PACSIN1: variants seen among roughly 807,000 people sequenced by gnomAD.
PACSIN1 encodes the protein protein kinase C and casein kinase substrate in neurons protein 1.
A neutral mutation model predicts 59.5 loss-of-function variants in PACSIN1; 15 were observed. That is an observed-to-expected ratio of 0.25 (90% confidence interval 0.17 to 0.39). The LOEUF is 0.39. PACSIN1 is among the 10% of genes least tolerant of loss of function. The probability of loss-of-function intolerance (pLI) is 1.00; values close to 1 mark genes in which losing one functional copy is unlikely to be tolerated. For missense variants in PACSIN1, 420 were observed against 580.2 expected, an observed-to-expected ratio of 0.72 and a Z score of 2.84; for synonymous variants, 210 against 220.6, an observed-to-expected ratio of 0.95 and a Z score of 0.42.
At chr6:34,526,109 G>A (rs1581985357) in intron 1 of PACSIN1, 134 bp from the exon 2 acceptor site, 2 of 579,834 alleles carry the variant, frequency 3.4e-6, no homozygotes, top group African/African-American at 1.9e-5. Context: ...TGGTGAGTTA[G>A]TCTCTGGACA....
Position 34,529,006 on chromosome 6 carries a change from C to A in PACSIN1, c.456+129C>A, listed in dbSNP as rs926757377. 3 of 716,028 alleles carry A rather than the reference C, an allele frequency of 4.2e-6. No homozygotes were observed. Among genetic ancestry groups the A allele is most frequent in the Non-Finnish European group, 7.0e-6 (3 of 430,460 alleles). The allele number at this position is 716,028 out of a possible 1,614,324, so 44.4% of individuals were successfully genotyped here. On this transcript the variant is annotated intron_variant, in intron 4 of 9. Transcript: ENST00000244458. The surrounding 1 kb of genome is among the most constrained non-coding windows in gnomAD (Gnocchi z 6.3). ...CTCTGGGATTGTGCCCACAGGGGAG[C>A]AGCACTGCCTTCCAGGAAAAAATAT... is the stretch of plus-strand genomic sequence containing the variant.
intron 1 of PACSIN1, among the ~76,000 whole-genome samples, chr6:34,513,195 G>C (rs1363851967): frequency 6.6e-6 from 1 of 152,146 alleles, no homozygotes; most frequent in Non-Finnish European, 1.5e-5. Flanking sequence ...CTTATCTCTT[G>C]GCATCTCTAA....
At position 34,529,974 on chromosome 6, in the gene PACSIN1, G is replaced by A; in HGVS notation, c.788+133G>A. 1 of 1,082,946 alleles carries A rather than the reference G, an allele frequency of 9.2e-7. No individual in the cohort carries two copies. Among genetic ancestry groups the A allele is most frequent in the Non-Finnish European group, 1.3e-6 (1 of 756,246 alleles). The allele number at this position is 1,082,946 out of a possible 1,614,324, so 67.1% of individuals were successfully genotyped here. On this transcript the variant is annotated intron_variant, in intron 6 of 9. Coordinates refer to ENST00000244458, the MANE Select transcript of PACSIN1 (RefSeq NM_020804.5). The surrounding 1 kb of genome is among the most constrained non-coding windows in gnomAD (Gnocchi z 6.3). ...AGCTGCAGGGGTCAAGAAGGATGAG[G>A]CTTCAAACACAGGGGCTGTTGAGTG...
rs1311659873 is a variant in PACSIN1, at chr6:34,529,237, C to T, written c.457-160C>T. Among the ~76,000 whole-genome samples, 1 of 152,006 alleles carries T rather than the reference C, an allele frequency of 6.6e-6. No individual in the cohort carries two copies. The highest frequency in any genetic ancestry group is 1.9e-4 in the East Asian group (1 of 5,138). On this transcript the variant is annotated intron_variant, in intron 4 of 9. Coordinates refer to ENST00000244458, the MANE Select transcript of PACSIN1 (RefSeq NM_020804.5). The surrounding 1 kb of genome is among the most constrained non-coding windows in gnomAD (Gnocchi z 6.3). ...AGACGCAGCCACAAATGGAGGAGCG[C>T]TGCTCCCGAACACCTGGAGCCAGGG...
At position 34,508,739 on chromosome 6, in the gene PACSIN1, C is replaced by A. The variant is rs188802992; in HGVS notation, c.-63-17504C>A. Among the ~76,000 whole-genome samples, 743 of 152,272 alleles carry A rather than the reference C, an allele frequency of 4.9e-3. 3 individuals carry two copies. The highest frequency in any genetic ancestry group is 0.024 in the South Asian group (116 of 4,818). ...TCCTGACAGGTATGAGGTGATATCT[C>A]ATTGTGGTTTTGATTTGCCTTTCCA... is the stretch of plus-strand genomic sequence containing the variant. On this transcript the variant is annotated intron_variant, in intron 1 of 9. Transcript: ENST00000244458.
In PACSIN1 at chr6:34,530,280, C is replaced by T. The variant is rs1381527663; in HGVS notation, c.826C>T (p.Arg276Trp). ...HVYRELEQAI[R>W]GADAQEDLRW... ...GTACCGTGAGCTGGAGCAGGCCATC[C>T]GGGGGGCTGATGCCCAGGAAGACCT... is the stretch of plus-strand genomic sequence containing the variant. Residue 276 changes from arginine to tryptophan, a missense_variant, in exon 7 of 10, where the codon CGG (arginine) becomes TGG (tryptophan). By Grantham distance (101) the Arg-to-Trp change is moderately radical. Transcript: ENST00000244458. The surrounding 1 kb of genome is among the most constrained non-coding windows in gnomAD (Gnocchi z 4.4). 8.1e-6 allele frequency: 13 copies of T among 1,614,002 alleles called. No individual in the cohort carries two copies. The highest frequency in any genetic ancestry group is 1.1e-5 in the South Asian group (1 of 91,058).
In PACSIN1 at chr6:34,525,513, C is replaced by T. The variant is rs980036646; in HGVS notation, c.-63-730C>T. On this transcript the variant is annotated intron_variant, in intron 1 of 9. Coordinates refer to ENST00000244458, the MANE Select transcript of PACSIN1 (RefSeq NM_020804.5). This position sits in a 1 kb window ranked among gnomAD's most constrained non-coding sequence, Gnocchi z 4.9. ...GGAGGTGTCCCCTGGTGCCGGGATC[C>T]AGCTAGAGGCTGGCAGCTTGTATCA... is the stretch of plus-strand genomic sequence containing the variant. Among the ~76,000 whole-genome samples the T allele has an allele frequency of 1.1e-4, 17 of 152,236 alleles. No individual in the cohort carries two copies. Among genetic ancestry groups the T allele is most frequent in the Non-Finnish European group, 1.6e-4 (11 of 68,034 alleles).
chr6:34,494,825 C>A (rs780986498), intron 1 of PACSIN1, among the ~76,000 whole-genome samples: 1 of 152,206 alleles, frequency 6.6e-6, no homozygotes, highest in Non-Finnish European at 1.5e-5. Flanking sequence ...TAGATCACTT[C>A]CCCAGCTATC....
chr6:34,507,337 C>T (rs181462848), intron 1 of PACSIN1, among the ~76,000 whole-genome samples: 97 of 152,196 alleles, frequency 6.4e-4, no homozygotes, highest in Admixed American at 5.3e-3. Context: ...TCTGTCTTCT[C>T]TCTGCCTTTA....
At chr6:34,491,463 A>G (rs1369943170) in intron 1 of PACSIN1, among the ~76,000 whole-genome samples, 1 of 151,986 alleles carries the variant, frequency 6.6e-6, no homozygotes, top group Non-Finnish European at 1.5e-5. Flanking sequence ...GCTGCTTCCT[A>G]GAATCAGTCC....
chr6:34,532,392 T>C lies in PACSIN1; in HGVS notation c.1226-29T>C. 1 of 1,459,568 alleles carries C rather than the reference T, an allele frequency of 6.9e-7. No homozygotes were observed. The highest frequency in any genetic ancestry group is 9.4e-7 in the Non-Finnish European group (1 of 1,062,686). The allele number at this position is 1,459,568 out of a possible 1,614,324, so 90.4% of individuals were successfully genotyped here. On this transcript the variant is annotated intron_variant, in intron 9 of 9. Transcript: ENST00000244458. This position sits in a 1 kb window ranked among gnomAD's most constrained non-coding sequence, Gnocchi z 5.2. ...GTTGAGGGAGGGGCAGCCTTCTCTCTGAGCCCCTCCCTGTGTTCTCTTTCC... is the reference window on the plus strand; with the variant it reads ...GTTGAGGGAGGGGCAGCCTTCTCTCCGAGCCCCTCCCTGTGTTCTCTTTCC...
intron 1 of PACSIN1, among the ~76,000 whole-genome samples, chr6:34,476,316 T>C (rs1581956526): frequency 6.6e-6 from 1 of 152,174 alleles, no homozygotes; most frequent in Admixed American, 6.5e-5. Flanking sequence ...GACTTGCAGC[T>C]CCCAGCCGAT....
intron 1 of PACSIN1, among the ~76,000 whole-genome samples, chr6:34,517,963 CA>C (rs112752960): frequency 8.5e-5 from 13 of 152,356 alleles, no homozygotes; most frequent in African/African-American, 3.1e-4. Flanking sequence ...GGGGCTGGCT[CA>C]GCATCTGTGC....
At position 34,525,697 on chromosome 6, in the gene PACSIN1, C is replaced by T. The variant is rs1168897296; in HGVS notation, c.-63-546C>T. ...AGTACCCACCTCGGCCCTGGGGCAG[C>T]GCACGGCCTAGATTGGATAACCCTG... On this transcript the variant is annotated intron_variant, in intron 1 of 9. Transcript: ENST00000244458. The surrounding 1 kb of genome is among the most constrained non-coding windows in gnomAD (Gnocchi z 4.9). Among the ~76,000 whole-genome samples, 3 of 152,102 alleles carry T rather than the reference C, an allele frequency of 2.0e-5. No homozygotes were observed. Among genetic ancestry groups the T allele is most frequent in the Admixed American group, 6.5e-5 (1 of 15,274 alleles).
intron 1 of PACSIN1, among the ~76,000 whole-genome samples, chr6:34,513,208 C>T (rs561270392): frequency 5.9e-5 from 9 of 152,332 alleles, no homozygotes; most frequent in African/African-American, 1.9e-4. Flanking sequence ...ATCTCTAATA[C>T]TGGAATGCTT....
chr6:34,483,470 G>A (rs574587466), intron 1 of PACSIN1, among the ~76,000 whole-genome samples: 32 of 152,076 alleles, frequency 2.1e-4, no homozygotes, highest in Middle Eastern at 3.4e-3. Context: ...CCACGTAGCC[G>A]GTGGGCACCA....
At chr6:34,517,755 T>C (rs1453859641) in intron 1 of PACSIN1, among the ~76,000 whole-genome samples, 1 of 152,232 alleles carries the variant, frequency 6.6e-6, no homozygotes, top group Non-Finnish European at 1.5e-5. Flanking sequence ...TCCCCTCCCC[T>C]GCCTTGCTTT....
chr6:34,477,105 G>T (rs9348942), intron 1 of PACSIN1, among the ~76,000 whole-genome samples: 53,334 of 152,096 alleles, frequency 0.35, 11,120 homozygotes, highest in Middle Eastern at 0.48. Context: ...AGCCCTGAGG[G>T]CTTCCTCCAG....
chr6:34,488,601 G>C lies in PACSIN1; in HGVS notation c.-64+22331G>C, dbSNP rs1047820625. Among the ~76,000 whole-genome samples, 6 of 152,176 alleles carry C rather than the reference G, an allele frequency of 3.9e-5. No homozygotes were observed. Among genetic ancestry groups the C allele is most frequent in the Admixed American group, 3.3e-4 (5 of 15,276 alleles). ...TCCTACTTCTACCCCATAGTTCTTA[G>C]ATGCATGTATTCTAGTCCCATTAGG... On this transcript the variant is annotated intron_variant, in intron 1 of 9. Coordinates refer to ENST00000244458, the MANE Select transcript of PACSIN1 (RefSeq NM_020804.5). This position sits in a 1 kb window ranked among gnomAD's most constrained non-coding sequence, Gnocchi z 4.7.
Sources: allele counts gnomAD v4.1 joint callset (sites outside exome capture counted in the v4.1 genomes callset), GRCh38; gene constraint gnomAD v4.1.1; non-coding constraint Gnocchi (gnomAD v3.1); transcripts MANE v1.5; gene names NCBI Gene and HGNC (gene_info 2026-07-23, HGNC 2026-07-21).